ACE: variants seen among roughly 807,000 people sequenced by gnomAD.
ACE encodes the protein angiotensin-converting enzyme.
ACE carries 122 observed loss-of-function variants against 162.3 expected under a neutral mutation model. That is an observed-to-expected ratio of 0.75 (90% CI 0.65 to 0.87). The LOEUF is 0.87. ACE is among the 40% of genes least tolerant of loss of function. ACE has a pLI of 0.00. For missense variants in ACE, 1,799 were observed against 1,735.1 expected (o/e 1.04, Z -0.65); for synonymous variants, 796 against 720.6 (o/e 1.10, Z -1.68).
intron 14 of ACE, 56 bp downstream of exon 14, chr17:63,486,771 C>T: frequency 6.2e-7 from 1 of 1,609,038 alleles, no homozygotes; most frequent in South Asian, 1.1e-5. Flanking sequence ...GAGCCCAACA[C>T]AGGGTCTGGC....
intron 10 of ACE, 84 bp downstream of exon 10, chr17:63,483,642 C>A: frequency 7.2e-7 from 1 of 1,392,164 alleles, no homozygotes; most frequent in Non-Finnish European, 1.0e-6. Context: ...CTGCCTCATC[C>A]CCAGGGCTTG....
intron 2 of ACE, 148 bp downstream of exon 2, chr17:63,478,246 C>T: frequency 9.8e-7 from 1 of 1,020,196 alleles, no homozygotes; most frequent in Non-Finnish European, 1.4e-6. Context: ...CACAGAATGG[C>T]TTTCTGAGCA....
At chr17:63,479,660 T>C in intron 3 of ACE, 109 bp from the exon 4 acceptor site, 4 of 1,455,944 alleles carry the variant, frequency 2.7e-6, no homozygotes, top group East Asian at 4.6e-5. Context: ...GGCACCGTGA[T>C]GTTCAGGAAG....
chr17:63,483,568 C>CGGGCG lies in ACE; in HGVS notation c.1586+10_1586+11insGGGCG. The CGGGCG allele has an allele frequency of 2.5e-6, 4 of 1,585,798 alleles. No individual in the cohort carries two copies. The highest frequency in any genetic ancestry group is 3.4e-6 in the Non-Finnish European group (4 of 1,159,906). On this transcript the variant is annotated intron_variant, in intron 10 of 24. Coordinates refer to ENST00000290866, the MANE Select transcript of ACE (RefSeq NM_000789.4). ...TGACACCATACATCAGGTATTAGCG[C>CGGGCG]CCCCACCCCACCCACCCCCAGTACT... is the stretch of plus-strand genomic sequence containing the variant.
intron 15 of ACE, 85 bp from the exon 16 acceptor site, chr17:63,488,563 A>T (rs755578569): frequency 3.3e-4 from 470 of 1,427,540 alleles, no homozygotes; most frequent in South Asian, 1.3e-3. Flanking sequence ...CGCCAATTTT[A>T]TTCCAGCTCT....
intron 19 of ACE, among the ~76,000 whole-genome samples, chr17:63,492,591 C>T (rs2030454325): frequency 6.6e-6 from 1 of 152,206 alleles, no homozygotes; most frequent in Admixed American, 6.5e-5. Context: ...AGATCCCCAG[C>T]CTTGTGGCCA....
At chr17:63,482,751 G>T in intron 8 of ACE, 62 bp downstream of exon 8, 1 of 1,533,558 alleles carries the variant, frequency 6.5e-7, no homozygotes, top group Non-Finnish European at 9.0e-7. Flanking sequence ...CCCCACAGCA[G>T]GACCTCACTT....
In ACE at chr17:63,497,399, C is replaced by T; in HGVS notation, c.*33C>T. ...CGGCTGGGTCGGCCCTGCCCAAGGG[C>T]CTCCCACCAGAGACTGGGATGGGAA... On this transcript the variant is annotated 3_prime_UTR_variant, in exon 25 of 25. Transcript: ENST00000290866. The T allele has an allele frequency of 1.3e-6, 2 of 1,530,542 alleles. No individual in the cohort carries two copies. The highest frequency in any genetic ancestry group is 8.8e-7 in the Non-Finnish European group (1 of 1,132,476). The allele number at this position is 1,530,542 out of a possible 1,614,324, so 94.8% of individuals were successfully genotyped here. A position where few individuals can be genotyped will look rare whatever the true frequency, so the allele number is the denominator to read the frequency against.
Position 63,485,279 on chromosome 17 carries a change from A to C in ACE, c.1965A>C (p.Glu655Asp), listed in dbSNP as rs1487276305. Residue 655 changes from glutamate (E) to aspartate (D), a missense_variant, in exon 13 of 25, where the codon GAA becomes GAC. Glu to Asp is a conservative substitution (Grantham distance 45). Transcript: ENST00000290866. Reference sequence around the variant, plus strand: ...CTGAGGCCAGCAAGTTTGTGGAGGAATATGACCGGACATCCCAGGTGGTGT... The same window carrying C: ...CTGAGGCCAGCAAGTTTGTGGAGGACTATGACCGGACATCCCAGGTGGTGT... ...DEAEASKFVE[E>D]YDRTSQVVWN... is the part of the protein sequence containing the mutation. 3.7e-6 allele frequency: 6 copies of C among 1,614,108 alleles called. No homozygotes were observed. Among genetic ancestry groups the C allele is most frequent in the Non-Finnish European group, 5.1e-6 (6 of 1,180,006 alleles).
Position 63,494,109 on chromosome 17 carries a change from C to T in ACE, c.3281+43C>T, listed in dbSNP as rs12709438. On this transcript the variant is annotated intron_variant, in intron 21 of 24. Coordinates refer to ENST00000290866, the MANE Select transcript of ACE (RefSeq NM_000789.4). ...CGGGATGCGGGCTGGGGGATCTCTG[C>T]GAGTGTCTGCATGTGCCTGGGTGTC... is the stretch of plus-strand genomic sequence containing the variant. The T allele has an allele frequency of 9.9e-4, 1,588 of 1,611,096 alleles. 2 individuals are homozygous for T. The highest frequency in any genetic ancestry group is 1.3e-3 in the Non-Finnish European group (1,515 of 1,179,598).
Position 63,479,944 on chromosome 17 carries a change from G to T in ACE, c.655+32G>T, listed in dbSNP as rs183190490. Reference sequence around the variant, plus strand: ...AGGCCTCTCCCTGTCCAGGAACCACGCCAGGTGTCCTCTCTCAGCTGTCTC... The same window carrying T: ...AGGCCTCTCCCTGTCCAGGAACCACTCCAGGTGTCCTCTCTCAGCTGTCTC... On this transcript the variant is annotated intron_variant, in intron 4 of 24. Transcript: ENST00000290866. 10 of 1,590,070 alleles carry T rather than the reference G, an allele frequency of 6.3e-6. No homozygotes were observed. In the South Asian group the frequency reaches 1.1e-4, roughly 18 times the overall value.
At chr17:63,485,001 C>CAACA in intron 12 of ACE, 1 of 1,609,962 alleles carries the variant, frequency 6.2e-7, no homozygotes, top group Non-Finnish European at 8.5e-7. Context: ...AGCAGCCAGG[C>CAACA]AACAACCAGC....
rs2030417258 is a variant in ACE, at chr17:63,491,982, G to T, written c.2912+601G>T. Among the ~76,000 whole-genome samples, 1 of 152,208 alleles carries T rather than the reference G, an allele frequency of 6.6e-6. No individual in the cohort carries two copies. Among genetic ancestry groups the T allele is most frequent in the Non-Finnish European group, 1.5e-5 (1 of 68,028 alleles). On this transcript the variant is annotated intron_variant, in intron 19 of 24. Transcript: ENST00000290866. The surrounding 1 kb of genome is among the most constrained non-coding windows in gnomAD (Gnocchi z 4.4). The stretch of plus-strand genomic sequence containing the variant: ...GGGGGCAGCTCTCACAGCCGGGATG[G>T]CTCAATGGGGGCCATACGTCCAGAG...
chr17:63,480,365 C>A lies in ACE; in HGVS notation c.684C>A (p.Arg228=), dbSNP rs753871217. The change falls in exon 5 of 25, where the codon CGC becomes CGA. Residue 228 remains arginine (R), a synonymous_variant. Transcript: ENST00000290866. ...DGFTDTGAYW[R]SWYNSPTFED... ...TCACAGACACGGGGGCCTACTGGCGCTCCTGGTACAACTCCCCCACCTTCG... is the reference window on the plus strand; with the variant it reads ...TCACAGACACGGGGGCCTACTGGCGATCCTGGTACAACTCCCCCACCTTCG... The A allele has an allele frequency of 1.9e-6, 3 of 1,614,102 alleles. No individual in the cohort carries two copies. The highest frequency in any genetic ancestry group is 2.5e-6 in the Non-Finnish European group (3 of 1,180,038).
chr17:63,488,503 T>C, intron 15 of ACE, 145 bp from the exon 16 acceptor site: 1 of 760,666 alleles, frequency 1.3e-6, no homozygotes, highest in African/African-American at 1.7e-5. Context: ...TCCCATCCTT[T>C]CTCCCATTTC....
Position 63,491,134 on chromosome 17 carries a change from C to T in ACE, c.2740-75C>T. 6.2e-7 allele frequency: 1 copy of T among 1,609,382 alleles called. No individual in the cohort carries two copies. The highest frequency in any genetic ancestry group is 1.7e-5 in the Admixed American group (1 of 59,992). ...CAGGAGTTCCCTCCAGTTTAGCCCT[C>T]CCCCGGGATCCCCACGGCAGCACGC... On this transcript the variant is annotated intron_variant, in intron 18 of 24. Coordinates refer to ENST00000290866, the MANE Select transcript of ACE (RefSeq NM_000789.4). The surrounding 1 kb of genome is among the most constrained non-coding windows in gnomAD (Gnocchi z 4.4).
intron 4 of ACE, 53 bp downstream of exon 4, chr17:63,479,965 G>C (rs1049379255): frequency 1.3e-6 from 2 of 1,567,152 alleles, no homozygotes; most frequent in Non-Finnish European, 1.7e-6. Flanking sequence ...TCTCTCAGCT[G>C]TCTCCCCAGA....
intron 15 of ACE, among the ~76,000 whole-genome samples, chr17:63,488,360 GAAAAAA>G (rs561946751): frequency 3.0e-5 from 3 of 98,428 alleles, no homozygotes; most frequent in Non-Finnish European, 4.1e-5. Flanking sequence ...CCCTGTCTCA[GAAAAAA>G]AAAAAAAAAA....
chr17:63,486,528 C>G, intron 13 of ACE, 29 bp from the exon 14 acceptor site: 1 of 1,613,272 alleles, frequency 6.2e-7, no homozygotes, highest in Non-Finnish European at 8.5e-7. Flanking sequence ...GCTCCTGGGC[C>G]CTGTGACACC....
Sources: gnomAD v4.1 joint callset for allele counts (sites outside exome capture counted in the v4.1 genomes callset) on GRCh38, gnomAD v4.1.1 for gene constraint, Gnocchi (gnomAD v3.1) non-coding constraint, MANE v1.5 for transcripts, NCBI Gene and HGNC (gene_info 2026-07-23, HGNC 2026-07-21) for gene names.